Variants in ARHGEF19 observed in about 807,000 individuals in gnomAD.
ARHGEF19 encodes the protein Rho guanine nucleotide exchange factor 19, also known as Rho guanine nucleotide exchange factor (GEF) 19.
In ARHGEF19, 92 loss-of-function variants were observed where a neutral mutation model predicts 87.6. The observed-to-expected ratio is 1.05, with a 90% CI of 0.89 to 1.25. ARHGEF19 has a LOEUF of 1.25. Ranked by LOEUF, ARHGEF19 falls within the 50% of genes most tolerant of loss-of-function variation. The pLI, the probability that ARHGEF19 is intolerant of heterozygous loss-of-function variation, is 0.00. For missense variants in ARHGEF19, 1,054 were observed against 1,051.8 expected (o/e 1.00, Z -0.03); for synonymous variants, 438 against 446.2 (o/e 0.98, Z 0.23).
rs781624325 is a variant in ARHGEF19, at chr1:16,212,495, GC to G, written c.-30+6del. 5 of 152,536 alleles carry G rather than the reference GC, an allele frequency of 3.3e-5. No homozygotes were observed. The highest frequency in any genetic ancestry group is 7.3e-5 in the Non-Finnish European group (5 of 68,326). The allele number at this position is 152,536 out of a possible 1,614,324, so 9.4% of individuals were successfully genotyped here. ...ATGGGACTGCTGGCACCCAGGTGGG[GC>G]CCTACCTCAGCCAGGGAGCTCCGTC... On this transcript the variant is annotated splice_donor_region_variant and intron_variant, in intron 1 of 15. Coordinates refer to ENST00000270747, the MANE Select transcript of ARHGEF19 (RefSeq NM_153213.5).
At position 16,207,660 on chromosome 1, in the gene ARHGEF19, A is replaced by G; in HGVS notation, c.797+15T>C. On this transcript the variant is annotated intron_variant, in intron 4 of 15. Transcript: ENST00000270747. This position sits in a 1 kb window ranked among gnomAD's most constrained non-coding sequence, Gnocchi z 4.0. ...GCACCCTGTCTCGGACCCAAGCCCA[A>G]ACGGGAGGTGGTACCTGGGCTCGGA... 1 of 1,614,022 alleles carries G rather than the reference A, an allele frequency of 6.2e-7. No homozygotes were observed. Among genetic ancestry groups the G allele is most frequent in the Non-Finnish European group, 8.5e-7 (1 of 1,180,000 alleles).
At position 16,206,290 on chromosome 1, in the gene ARHGEF19, CG is replaced by C; in HGVS notation, c.1187del (p.Ser396TrpfsTer8). Reference sequence around the variant, plus strand: ...AGCCTAAGAAGTGGCCCACAGCCACCGACAGGCTGTGGATGTAGGAGGCCTC... The same window carrying C: ...AGCCTAAGAAGTGGCCCACAGCCACCACAGGCTGTGGATGTAGGAGGCCTC... ...TSEASYIHSLSVAVGHFLGSA... is the reference protein window; with the variant it reads ...TSEASYIHSLXVAVGHFLGSA... On this transcript the variant is annotated frameshift_variant, in exon 7 of 16. Coordinates refer to ENST00000270747, the MANE Select transcript of ARHGEF19 (RefSeq NM_153213.5). LOFTEE classifies it high-confidence loss of function. The surrounding 1 kb of genome is among the most constrained non-coding windows in gnomAD (Gnocchi z 4.6). The C allele has an allele frequency of 6.3e-7, 1 of 1,584,022 alleles. No individual in the cohort carries two copies.
chr1:16,206,583 C>T lies in ARHGEF19; in HGVS notation c.1138-243G>A. ...CGCCCCGACGCGTTCTTCCCAGAGC[C>T]CCGCCCACCCCCCAGGTCCCGCCCC... is the stretch of plus-strand genomic sequence containing the variant. On this transcript the variant is annotated intron_variant, in intron 6 of 15. Coordinates refer to ENST00000270747, the MANE Select transcript of ARHGEF19 (RefSeq NM_153213.5). This position sits in a 1 kb window ranked among gnomAD's most constrained non-coding sequence, Gnocchi z 4.6. 5.8e-6 allele frequency: 3 copies of T among 513,604 alleles called. No individual in the cohort carries two copies. The South Asian group carries it at 6.8e-5, about 12-fold the overall frequency. 31.8% of individuals were successfully genotyped at this position (513,604 alleles called of 1,614,324 possible). A position where few individuals can be genotyped will look rare whatever the true frequency, so the allele number is the denominator to read the frequency against.
rs781436194 is a variant in ARHGEF19 at position 16,207,615 on chromosome 1, G to A, written c.798-17C>T. On this transcript the variant is annotated splice_polypyrimidine_tract_variant and intron_variant, in intron 4 of 15. Coordinates refer to ENST00000270747, the MANE Select transcript of ARHGEF19 (RefSeq NM_153213.5). The surrounding 1 kb of genome is among the most constrained non-coding windows in gnomAD (Gnocchi z 4.0). ...GTGTCTAGCCTAGGAAAGAGAGAGC[G>A]TCACGGCCCTAGTTCGCCTGCACCC... 1 of 1,613,976 alleles carries A rather than the reference G, an allele frequency of 6.2e-7. No homozygotes were observed. The highest frequency in any genetic ancestry group is 8.5e-7 in the Non-Finnish European group (1 of 1,179,986).
intron 1 of ARHGEF19, among the ~76,000 whole-genome samples, chr1:16,210,306 G>T (rs1238497442): frequency 1.3e-5 from 2 of 152,142 alleles, no homozygotes; most frequent in African/African-American, 2.4e-5. Flanking sequence ...CAGCGGGCTG[G>T]GCGGGGGCCT....
Position 16,206,079 on chromosome 1 carries a change from G to A in ARHGEF19, c.1303C>T (p.Leu435=). ...PEVKSTSERF[L]QDLEQRLEAD... The stretch of plus-strand genomic sequence containing the variant: ...TCCAGCCGCTGCTCCAGGTCCTGCA[G>A]GAACCTGAGGAGTCAGAGCCAGGAT... The change falls in exon 8 of 16, where the codon CTG becomes TTG. Residue 435 remains leucine, a synonymous_variant. Coordinates refer to ENST00000270747, the MANE Select transcript of ARHGEF19 (RefSeq NM_153213.5). This position sits in a 1 kb window ranked among gnomAD's most constrained non-coding sequence, Gnocchi z 4.6. 6.3e-7 allele frequency: 1 copy of A among 1,578,912 alleles called. No individual in the cohort carries two copies. Among genetic ancestry groups the A allele is most frequent in the Non-Finnish European group, 8.6e-7 (1 of 1,162,010 alleles).
Position 16,207,163 on chromosome 1 carries a change from G to T in ARHGEF19, c.922C>A (p.Arg308=), listed in dbSNP as rs1376447920. ...CCCTCCTCCTCGCGCTGCTGCCGCC[G>T]CAGTTCGCGGGCGCTGGCCACGTCG... is the stretch of plus-strand genomic sequence containing the variant. ...YSDVASAREL[R]RQQREEEGPG... Residue 308 remains arginine, a synonymous_variant, in exon 6 of 16, where the codon CGG becomes AGG. Coordinates refer to ENST00000270747, the MANE Select transcript of ARHGEF19 (RefSeq NM_153213.5). This position sits in a 1 kb window ranked among gnomAD's most constrained non-coding sequence, Gnocchi z 4.0. The T allele has an allele frequency of 2.6e-6, 4 of 1,529,216 alleles. No individual in the cohort carries two copies. Among genetic ancestry groups the T allele is most frequent in the Middle Eastern group, 2.0e-4 (1 of 4,914 alleles). 94.7% of individuals were successfully genotyped at this position (1,529,216 alleles called of 1,614,324 possible). A position where few individuals can be genotyped will look rare whatever the true frequency, so the allele number is the denominator to read the frequency against.
chr1:16,198,870 A>G lies in ARHGEF19; in HGVS notation c.2252-126T>C, dbSNP rs527482433. The G allele has an allele frequency of 1.6e-6, 2 of 1,240,566 alleles. No individual in the cohort carries two copies. The highest frequency in any genetic ancestry group is 2.5e-5 in the East Asian group (1 of 40,584). The allele number at this position is 1,240,566 out of a possible 1,614,324, so 76.8% of individuals were successfully genotyped here. A position where few individuals can be genotyped will look rare whatever the true frequency, so the allele number is the denominator to read the frequency against. On this transcript the variant is annotated intron_variant, in intron 15 of 15. Transcript: ENST00000270747. This position sits in a 1 kb window ranked among gnomAD's most constrained non-coding sequence, Gnocchi z 4.1. ...GGGGCCAAGGTGACATCATCTCAGC[A>G]TCTCTCAGCTCCAGGAAGGACCCTG...
chr1:16,208,861 C>T lies in ARHGEF19; in HGVS notation c.194G>A (p.Trp65Ter), dbSNP rs965262766. ...PEELRAPGSR[W>*]SLGTPAPLQG... ...GAGAGGGGCAGGGGTCCCCAGGGACCAGCGGCTGCCAGGAGCCCGAAGCTC... is the reference window on the plus strand; with the variant it reads ...GAGAGGGGCAGGGGTCCCCAGGGACTAGCGGCTGCCAGGAGCCCGAAGCTC... The change falls in exon 2 of 16, where the codon TGG (tryptophan) becomes TAG (stop). Residue 65 changes from tryptophan to a stop codon, truncating the protein, a stop_gained. Coordinates refer to ENST00000270747, the MANE Select transcript of ARHGEF19 (RefSeq NM_153213.5). LOFTEE classifies it high-confidence loss of function. 32 of 1,604,538 alleles carry T rather than the reference C, an allele frequency of 2.0e-5. No individual in the cohort carries two copies. Among genetic ancestry groups the T allele is most frequent in the Non-Finnish European group, 2.5e-5 (30 of 1,177,308 alleles).
chr1:16,199,873 C>T (rs2100260962), intron 14 of ARHGEF19, among the ~76,000 whole-genome samples: 1 of 152,248 alleles, frequency 6.6e-6, no homozygotes, highest in East Asian at 1.9e-4. Flanking sequence ...CCTCCACTTT[C>T]CCTCCCTACT....
intron 12 of ARHGEF19, among the ~76,000 whole-genome samples, chr1:16,203,157 C>A (rs2081098053): frequency 2.0e-5 from 3 of 150,948 alleles, no homozygotes; most frequent in Admixed American, 6.7e-5. Flanking sequence ...ACAATTTGGG[C>A]TCAGTAAGTA....
At chr1:16,202,840 CTTTT>C (rs1024139804) in intron 12 of ARHGEF19, among the ~76,000 whole-genome samples, 1 of 151,988 alleles carries the variant, frequency 6.6e-6, no homozygotes, top group Admixed American at 6.6e-5. Context: ...TTCTCTCTCT[CTTTT>C]TTTTGTTTTT....
At chr1:16,211,479 T>C (rs1277940038) in intron 1 of ARHGEF19, among the ~76,000 whole-genome samples, 3 of 152,054 alleles carry the variant, frequency 2.0e-5, no homozygotes, top group African/African-American at 7.2e-5. Flanking sequence ...AGGCAAAACA[T>C]TGAGGCTTTG....
chr1:16,208,464 C>T (rs1460146581), intron 2 of ARHGEF19, among the ~76,000 whole-genome samples, 179 bp downstream of exon 2: 1 of 152,232 alleles, frequency 6.6e-6, no homozygotes, highest in Non-Finnish European at 1.5e-5. Context: ...GACTCACTCA[C>T]TGCATAACCT....
At chr1:16,212,031 C>T (rs949419872) in intron 1 of ARHGEF19, among the ~76,000 whole-genome samples, 6 of 151,656 alleles carry the variant, frequency 4.0e-5, no homozygotes, top group East Asian at 1.9e-4. Flanking sequence ...CCTAAGGGAC[C>T]GCACCACCGC....
Position 16,207,970 on chromosome 1 carries a change from C to T in ARHGEF19, c.668G>A (p.Gly223Glu). ...TTCCCGGGCTGCTCCGGTGCCTGAC[C>T]CAGAGATGAGTGCCCGGGCTGCTGA... ...RNSAARALISGSGTGAAREGK... is the reference protein window; with the variant it reads ...RNSAARALISESGTGAAREGK... Residue 223 changes from glycine (G) to glutamate (E), a missense_variant, in exon 3 of 16, where the codon GGG becomes GAG. By Grantham distance (98) the Gly-to-Glu change is moderately conservative (BLOSUM62 -2). Coordinates refer to ENST00000270747, the MANE Select transcript of ARHGEF19 (RefSeq NM_153213.5). This position sits in a 1 kb window ranked among gnomAD's most constrained non-coding sequence, Gnocchi z 4.0. 6.2e-7 allele frequency: 1 copy of T among 1,611,462 alleles called. No individual in the cohort carries two copies.
intron 14 of ARHGEF19, among the ~76,000 whole-genome samples, chr1:16,199,764 C>A (rs1196059106): frequency 6.6e-6 from 1 of 152,150 alleles, no homozygotes; most frequent in Non-Finnish European, 1.5e-5. Context: ...CTAGGCCCTA[C>A]AAGGCCCTTC....
chr1:16,199,307 G>T, intron 14 of ARHGEF19, 53 bp from the exon 15 acceptor site: 1 of 1,542,300 alleles, frequency 6.5e-7, no homozygotes, highest in Admixed American at 1.7e-5. Context: ...GGCAGGGGGA[G>T]GAGCATGGGT....
chr1:16,201,684 C>A, intron 14 of ARHGEF19, 98 bp downstream of exon 14: 1 of 1,359,124 alleles, frequency 7.4e-7, no homozygotes. Context: ...GGTCTCTCTC[C>A]CCATAGCCCT....
Sources: allele counts gnomAD v4.1 joint callset (sites outside exome capture counted in the v4.1 genomes callset), GRCh38; gene constraint gnomAD v4.1.1; non-coding constraint Gnocchi (gnomAD v3.1); transcripts MANE v1.5; gene names NCBI Gene and HGNC (gene_info 2026-07-23, HGNC 2026-07-21).